NLGN1: variants seen among roughly 807,000 people sequenced by gnomAD.
The protein encoded by NLGN1 is neuroligin 1, also known as neuroligin-1.
Under a neutral mutation model 65.5 loss-of-function variants are expected in NLGN1, and 12 were observed. That is an observed-to-expected ratio of 0.18 (90% confidence interval 0.12 to 0.30). The LOEUF is 0.30. NLGN1 is among the 10% of genes least tolerant of loss of function. NLGN1 has a pLI of 1.00. For synonymous variants in NLGN1, 350 were observed against 359.5 expected (o/e 0.97, Z 0.30); for missense variants, 750 against 1,007.1 (o/e 0.74, Z 3.46).
intron 3 of NLGN1, among the ~76,000 whole-genome samples, chr3:173,772,020 G>A (rs1779663409): frequency 6.6e-6 from 1 of 151,946 alleles, no homozygotes; most frequent in African/African-American, 2.4e-5. Context: ...TTTGATGAAT[G>A]TACTGATCAT....
chr3:174,222,085 A>C (rs921282407), intron 4 of NLGN1, among the ~76,000 whole-genome samples: 2 of 152,128 alleles, frequency 1.3e-5, no homozygotes, highest in Non-Finnish European at 2.9e-5. Flanking sequence ...AACCAGCTTC[A>C]GTGGGAAATC....
In NLGN1 at chr3:173,587,136, A is replaced by T. The variant is rs140335693; in HGVS notation, c.-320-17143A>T. ...AAACCATTAAATCAGTAGTCATTGC[A>T]TGTGCCATAGTGTTAAAATGGAAGA... is the stretch of plus-strand genomic sequence containing the variant. On this transcript the variant is annotated intron_variant, in intron 2 of 6. Transcript: ENST00000457714. Among the ~76,000 whole-genome samples, 282 of 152,322 alleles carry T rather than the reference A, an allele frequency of 1.9e-3. 1 individual carries two copies. Among genetic ancestry groups the T allele is most frequent in the African/African-American group, 6.1e-3 (252 of 41,582 alleles).
chr3:173,576,827 C>A (rs1231099598), intron 2 of NLGN1, among the ~76,000 whole-genome samples: 1 of 151,972 alleles, frequency 6.6e-6, no homozygotes, highest in African/African-American at 2.4e-5. Flanking sequence ...TTCCAATTAC[C>A]GTATTAAGTA....
At chr3:173,845,647 G>GATAGATAA (rs1249599372) in intron 4 of NLGN1, among the ~76,000 whole-genome samples, 2 of 146,870 alleles carry the variant, frequency 1.4e-5, no homozygotes, top group African/African-American at 5.1e-5. Context: ...TAGATAGATA[G>GATAGATAA]ATAAATAGAC....
At chr3:173,812,797 TTA>T (rs574886541) in intron 4 of NLGN1, among the ~76,000 whole-genome samples, 19 of 145,508 alleles carry the variant, frequency 1.3e-4, no homozygotes, top group South Asian at 4.3e-4. Flanking sequence ...ATATGTATTT[TTA>T]TATATATATA....
intron 2 of NLGN1, among the ~76,000 whole-genome samples, chr3:173,579,991 T>G (rs1336627758): frequency 1.3e-5 from 2 of 152,198 alleles, no homozygotes; most frequent in Non-Finnish European, 2.9e-5. Flanking sequence ...ATGGGGTACA[T>G]GAAATATTTC....
At chr3:173,567,074 G>C (rs552205709) in intron 2 of NLGN1, among the ~76,000 whole-genome samples, 1 of 152,072 alleles carries the variant, frequency 6.6e-6, no homozygotes, top group Non-Finnish European at 1.5e-5. Flanking sequence ...AAAAAGAATA[G>C]TGCCTATTCT....
At chr3:173,407,810 A>C (rs1350407493) in intron 1 of NLGN1, among the ~76,000 whole-genome samples, 1 of 152,234 alleles carries the variant, frequency 6.6e-6, no homozygotes, top group East Asian at 1.9e-4. Flanking sequence ...GAAATCATAC[A>C]TCTTATTTAG....
chr3:174,013,455 A>T (rs544439253), intron 4 of NLGN1, among the ~76,000 whole-genome samples: 1 of 152,200 alleles, frequency 6.6e-6, no homozygotes, highest in South Asian at 2.1e-4. Context: ...TAATATTTTA[A>T]TAACTCAAAA....
chr3:174,088,557 C>A (rs1168214918), intron 4 of NLGN1, among the ~76,000 whole-genome samples: 1 of 151,784 alleles, frequency 6.6e-6, no homozygotes, highest in East Asian at 1.9e-4. Context: ...GAGATTGAGA[C>A]CATCCTGGCT....
intron 2 of NLGN1, among the ~76,000 whole-genome samples, chr3:173,525,845 G>T (rs9854432): frequency 0.54 from 81,671 of 151,852 alleles, 22,487 homozygotes; most frequent in East Asian, 0.87. Flanking sequence ...TGTCTTACTT[G>T]TGTTGTTTAC....
intron 4 of NLGN1, among the ~76,000 whole-genome samples, chr3:174,118,742 C>T (rs746315388): frequency 6.6e-6 from 1 of 151,924 alleles, no homozygotes; most frequent in Non-Finnish European, 1.5e-5. Flanking sequence ...ATAAGAAAAT[C>T]GAAGCATTTG....
chr3:173,977,537 G>C (rs780057064), intron 4 of NLGN1, among the ~76,000 whole-genome samples: 19 of 151,924 alleles, frequency 1.3e-4, no homozygotes, highest in Non-Finnish European at 1.9e-4. Context: ...AGTCACTGAA[G>C]ATTTTAAGCA....
intron 4 of NLGN1, among the ~76,000 whole-genome samples, chr3:174,190,452 A>G (rs1209385182): frequency 6.6e-6 from 1 of 152,028 alleles, no homozygotes; most frequent in African/African-American, 2.4e-5. Context: ...AATTAAAAAT[A>G]AAAGATTTTT....
chr3:173,839,133 G>T, intron 4 of NLGN1, among the ~76,000 whole-genome samples: 1 of 145,840 alleles, frequency 6.9e-6, no homozygotes, highest in Non-Finnish European at 1.5e-5. Flanking sequence ...CAAGCAAGCA[G>T]GTAACTTCAC....
At chr3:173,672,496 T>C (rs1762580123) in intron 3 of NLGN1, among the ~76,000 whole-genome samples, 1 of 152,216 alleles carries the variant, frequency 6.6e-6, no homozygotes, top group East Asian at 1.9e-4. Context: ...GGATGTATTC[T>C]TAATGGCTTT....
At chr3:173,754,024 C>CTTTTTTTTTTTTTTTTTTTTTTTTTTTT (rs71162358) in intron 3 of NLGN1, among the ~76,000 whole-genome samples, 5 of 121,614 alleles carry the variant, frequency 4.1e-5, no homozygotes, top group Admixed American at 9.1e-5. Context: ...TCTTTCTTTT[C>CTTTTTTTTTTTTTTTTTTTTTTTTTTTT]TTTTTTTTTT....
At chr3:174,254,306 ATT>A (rs371427726) in intron 4 of NLGN1, among the ~76,000 whole-genome samples, 420 of 113,752 alleles carry the variant, frequency 3.7e-3, no homozygotes, top group African/African-American at 0.014. Context: ...GTCCTTTTTA[ATT>A]TTTTTTTTTT....
chr3:173,408,861 G>A (rs1435228377), intron 1 of NLGN1, among the ~76,000 whole-genome samples: 6 of 147,812 alleles, frequency 4.1e-5, no homozygotes, highest in South Asian at 2.1e-4. Context: ...GCAGTGAGCC[G>A]AGATTGTGCC....
Sources: allele counts gnomAD v4.1 joint callset (sites outside exome capture counted in the v4.1 genomes callset), GRCh38; gene constraint gnomAD v4.1.1; transcripts MANE v1.5; gene names NCBI Gene and HGNC (gene_info 2026-07-23, HGNC 2026-07-21).